Variants in SLC12A7 observed in about 807,000 individuals in gnomAD.
SLC12A7 encodes K-Cl cotransporter 4.
A neutral mutation model predicts 120.6 loss-of-function variants in SLC12A7; 100 were observed. The ratio of observed to expected loss-of-function variants is 0.83; its 90% CI spans 0.71 to 0.98. The LOEUF (loss-of-function observed/expected upper bound fraction) is 0.98, where lower values mean the gene tolerates loss of function less well. Among genes scored for constraint, SLC12A7 ranks in the 50% least tolerant of loss-of-function variants. SLC12A7 has a pLI of 0.00. For missense variants in SLC12A7, 1,373 were observed against 1,548.1 expected, an observed-to-expected ratio of 0.89 and a Z score of 1.90; for synonymous variants, 760 against 678.0, an observed-to-expected ratio of 1.12 and a Z score of -1.88.
the SLC12A7 span, among the ~76,000 whole-genome samples, chr5:1,133,676 T>C: frequency 1.3e-5 from 2 of 152,178 alleles, no homozygotes; most frequent in Non-Finnish European, 2.9e-5. Context: ...GACGGGAGGC[T>C]GGACGTGCGC....
chr5:1,118,927 C>T, the SLC12A7 span, among the ~76,000 whole-genome samples: 3 of 152,176 alleles, frequency 2.0e-5, no homozygotes, highest in Non-Finnish European at 4.4e-5. Context: ...ATCAGCCTCC[C>T]GGCGGGAGGG....
At chr5:1,152,214 TCCCCAG>T in the SLC12A7 span, among the ~76,000 whole-genome samples, 1 of 152,094 alleles carries the variant, frequency 6.6e-6, no homozygotes, top group Non-Finnish European at 1.5e-5. Flanking sequence ...CGTCTGGTGT[TCCCCAG>T]CTCATCTCCC....
intron 13 of SLC12A7, among the ~76,000 whole-genome samples, 196 bp downstream of exon 13, chr5:1,076,498 C>T (rs919100184): frequency 6.8e-6 from 1 of 147,032 alleles, no homozygotes; most frequent in African/African-American, 2.5e-5. Flanking sequence ...CTGTCCCTGG[C>T]TGACCCCAGC....
chr5:1,072,450 GC>G (rs199772516), intron 17 of SLC12A7, among the ~76,000 whole-genome samples: 1 of 1,574 alleles, frequency 6.4e-4, no homozygotes, highest in African/African-American at 4.3e-3. Context: ...CACTTATGCA[GC>G]CCCCAGTGAG....
chr5:1,084,878 A>G lies in SLC12A7; in HGVS notation c.917+354T>C, dbSNP rs529329374. Among the ~76,000 whole-genome samples, 44 of 152,156 alleles carry G rather than the reference A, an allele frequency of 2.9e-4. 1 individual carries two copies. The East Asian group carries it at 8.2e-3, about 28-fold the overall frequency. ...GCCCCTCCAAGCACCTCTGGGAGGG[A>G]GAAGACACCCAGGCCCCAGCAGCAG... On this transcript the variant is annotated intron_variant, in intron 7 of 23. Transcript: ENST00000264930.
Position 1,082,903 on chromosome 5 carries a change from C to T in SLC12A7, c.1129+842G>A, listed in dbSNP as rs1448815163. Among the ~76,000 whole-genome samples, 18 of 99,170 alleles carry T rather than the reference C, an allele frequency of 1.8e-4. No homozygotes were observed. The South Asian group carries it at 2.4e-3, about 13-fold the overall frequency. 65.1% of individuals were successfully genotyped at this position (99,170 alleles called of 152,430 possible). A position where few individuals can be genotyped will look rare whatever the true frequency, so the allele number is the denominator to read the frequency against. On this transcript the variant is annotated intron_variant, in intron 8 of 23. Coordinates refer to ENST00000264930, the MANE Select transcript of SLC12A7 (RefSeq NM_006598.3). Reference sequence around the variant, plus strand: ...GCTTCCCGTCTCGGGTTCTGGAAAGCCTGGGCTTCCCGTCTCGGGTTCTGG... The same window carrying T: ...GCTTCCCGTCTCGGGTTCTGGAAAGTCTGGGCTTCCCGTCTCGGGTTCTGG...
At chr5:1,141,540 G>T in the SLC12A7 span, among the ~76,000 whole-genome samples, 2 of 152,228 alleles carry the variant, frequency 1.3e-5, no homozygotes, top group African/African-American at 4.8e-5. Flanking sequence ...TATCTCCTGG[G>T]ATGGAGGCTC....
intron 9 of SLC12A7, among the ~76,000 whole-genome samples, chr5:1,080,393 A>AC (rs934209040): frequency 6.6e-6 from 1 of 151,998 alleles, no homozygotes; most frequent in Non-Finnish European, 1.5e-5. Flanking sequence ...CAGGGAGAGG[A>AC]CCCCCGGCAG....
chr5:1,101,720 C>T (rs750253177), intron 1 of SLC12A7, among the ~76,000 whole-genome samples: 1 of 152,206 alleles, frequency 6.6e-6, no homozygotes, highest in African/African-American at 2.4e-5. Context: ...CGCACAGATC[C>T]GCCCCACACA....
In SLC12A7 at chr5:1,075,389, T is replaced by C. The variant is rs972256870; in HGVS notation, c.1949A>G (p.Lys650Arg). Residue 650 changes from lysine (K) to arginine (R), a missense_variant, in exon 15 of 24, where the codon AAG becomes AGG. By Grantham distance (26) the Lys-to-Arg change is conservative (BLOSUM62 2). Coordinates refer to ENST00000264930, the MANE Select transcript of SLC12A7 (RefSeq NM_006598.3). Reference sequence around the variant, plus strand: ...CGCTTACCCGCGGTACTCGATGTACTTGTAGATGCAGCCAGCGATGAGCAT... The same window carrying C: ...CGCTTACCCGCGGTACTCGATGTACCTGTAGATGCAGCCAGCGATGAGCAT... ...SAMLIAGCIY[K>R]YIEYRGAEKE... is the part of the protein sequence containing the mutation. 2.5e-6 allele frequency: 4 copies of C among 1,612,150 alleles called. No individual in the cohort carries two copies. The highest frequency in any genetic ancestry group is 1.7e-5 in the Admixed American group (1 of 59,992).
At position 1,076,210 on chromosome 5, in the gene SLC12A7, A is replaced by C; in HGVS notation, c.1775T>G (p.Val592Gly). 6.2e-7 allele frequency: 1 copy of C among 1,611,814 alleles called. No homozygotes were observed. Among genetic ancestry groups the C allele is most frequent in the Non-Finnish European group, 8.5e-7 (1 of 1,179,470 alleles). The change falls in exon 14 of 24, where the codon GTG (valine) becomes GGG (glycine). Residue 592 changes from valine to glycine, a missense_variant. Coordinates refer to ENST00000264930, the MANE Select transcript of SLC12A7 (RefSeq NM_006598.3). ...GGTCTGCACGGCGCAGGCCAGGTTC[A>C]CGAACAGGTAGCACATGAGGAAGAA... ...SMFFLMCYLF[V>G]NLACAVQTLL...
At position 1,051,035 on chromosome 5, in the gene SLC12A7, C is replaced by G. The variant is rs1734978603; in HGVS notation, c.*1325G>C. On this transcript the variant is annotated 3_prime_UTR_variant, in exon 24 of 24. Coordinates refer to ENST00000264930, the MANE Select transcript of SLC12A7 (RefSeq NM_006598.3). ...TGGACAACCTTGTTACCACGTAACTCCCTGGGGTGTTTAAATAAATAAATA... is the reference window on the plus strand; with the variant it reads ...TGGACAACCTTGTTACCACGTAACTGCCTGGGGTGTTTAAATAAATAAATA... The G allele has an allele frequency of 2.5e-6, 1 of 398,324 alleles. No homozygotes were observed. The allele number at this position is 398,324 out of a possible 1,614,324, so 24.7% of individuals were successfully genotyped here. A position where few individuals can be genotyped will look rare whatever the true frequency, so the allele number is the denominator to read the frequency against.
At chr5:1,139,728 C>A in the SLC12A7 span, among the ~76,000 whole-genome samples, 1 of 152,230 alleles carries the variant, frequency 6.6e-6, no homozygotes, top group African/African-American at 2.4e-5. Flanking sequence ...TTGTGACCCA[C>A]GTCCCTCCTC....
the SLC12A7 span, among the ~76,000 whole-genome samples, chr5:1,133,135 C>T: frequency 1.9e-4 from 29 of 152,162 alleles, no homozygotes; most frequent in Admixed American, 1.8e-3. Flanking sequence ...AGGCTGGTCT[C>T]GAACTCCCAA....
chr5:1,109,287 C>T (rs1742805578), intron 1 of SLC12A7, among the ~76,000 whole-genome samples: 1 of 152,112 alleles, frequency 6.6e-6, no homozygotes, highest in Non-Finnish European at 1.5e-5. Context: ...CTGATGTGGT[C>T]ACGGAGGAAG....
At chr5:1,128,947 A>G in the SLC12A7 span, among the ~76,000 whole-genome samples, 3 of 152,108 alleles carry the variant, frequency 2.0e-5, no homozygotes, top group Non-Finnish European at 4.4e-5. Flanking sequence ...CTCCATCCCC[A>G]TGTGCGTCCA....
At chr5:1,052,488 C>CCTGAGCGTGT (rs1735152130) in intron 23 of SLC12A7, 37 bp from the exon 24 acceptor site, 1 of 1,528,636 alleles carries the variant, frequency 6.5e-7, no homozygotes, top group African/African-American at 1.4e-5. Flanking sequence ...GCTGATCTTA[C>CCTGAGCGTGT]CTGAGCGTGT....
At chr5:1,075,980 G>A (rs543800502) in intron 14 of SLC12A7, 158 bp downstream of exon 14, 449 of 616,126 alleles carry the variant, frequency 7.3e-4, no homozygotes, top group Non-Finnish European at 3.9e-4. Flanking sequence ...TCAAGGACGC[G>A]CTGGGGTCTT....
At chr5:1,084,003 C>A in intron 7 of SLC12A7, 47 bp from the exon 8 acceptor site, 1 of 1,543,576 alleles carries the variant, frequency 6.5e-7, no homozygotes, top group Non-Finnish European at 8.8e-7. Flanking sequence ...ACCGAAGTGG[C>A]TTTTACTGCC....
Sources: allele counts gnomAD v4.1 joint callset (sites outside exome capture counted in the v4.1 genomes callset), GRCh38; gene constraint gnomAD v4.1.1; transcripts MANE v1.5; gene names NCBI Gene and HGNC (gene_info 2026-07-23, HGNC 2026-07-21).